The following EPC2 variants were observed in gnomAD, a reference collection of about 807,000 sequenced individuals.
EPC2 encodes enhancer of polycomb 2.
Under a neutral mutation model 92.1 loss-of-function variants are expected in EPC2, and 14 were observed. That is an observed-to-expected ratio of 0.15 (90% CI 0.10 to 0.24). The LOEUF (loss-of-function observed/expected upper bound fraction) is 0.24, where lower values mean the gene tolerates loss of function less well. Ranked by LOEUF, EPC2 falls within the 10% of genes least tolerant of loss-of-function variation. The pLI, the probability that EPC2 is intolerant of heterozygous loss-of-function variation, is 1.00. For synonymous variants in EPC2, 340 were observed against 334.7 expected (o/e 1.02, Z -0.17); for missense variants, 755 against 971.5 (o/e 0.78, Z 2.96).
chr2:148,761,258 A>G (rs1683296104), intron 4 of EPC2, among the ~76,000 whole-genome samples: 1 of 152,188 alleles, frequency 6.6e-6, no homozygotes, highest in South Asian at 2.1e-4. Flanking sequence ...TTGTTATCCT[A>G]CTTTCAGTTT....
At chr2:148,666,829 G>A (rs1013520331) in intron 1 of EPC2, among the ~76,000 whole-genome samples, 14 of 151,786 alleles carry the variant, frequency 9.2e-5, no homozygotes, top group African/African-American at 2.2e-4. Flanking sequence ...AGGTGATTCT[G>A]AAGCTGAAGC....
In EPC2 at chr2:148,734,779, T is replaced by C. The variant is rs1682717388; in HGVS notation, c.314-8843T>C. On this transcript the variant is annotated intron_variant, in intron 2 of 13. Transcript: ENST00000258484. ...TTATGTAAGTGAAATCTACAGTATG[T>C]ATATAACTTTTTGGAATTGATTTCT... Among the ~76,000 whole-genome samples the C allele has an allele frequency of 2.0e-5, 3 of 151,672 alleles. No homozygotes were observed. In the South Asian group the frequency reaches 6.2e-4, roughly 32 times the overall value.
intron 2 of EPC2, among the ~76,000 whole-genome samples, chr2:148,713,223 C>A (rs1478317518): frequency 1.3e-5 from 2 of 152,244 alleles, no homozygotes; most frequent in Non-Finnish European, 2.9e-5. Flanking sequence ...TAGCTTCATG[C>A]AAGTTATTGC....
intron 5 of EPC2, 94 bp from the exon 6 acceptor site, chr2:148,762,576 C>G: frequency 2.4e-6 from 2 of 837,910 alleles, no homozygotes; most frequent in Non-Finnish European, 3.5e-6. Context: ...CCCTTTTTGA[C>G]TAGGTGACTT....
chr2:148,647,619 CTTTTT>C (rs55731814), intron 1 of EPC2, among the ~76,000 whole-genome samples: 231 of 63,742 alleles, frequency 3.6e-3, no homozygotes, highest in African/African-American at 4.6e-3. Flanking sequence ...GCCTTGCAGA[CTTTTT>C]TTTTTTTTTT....
intron 3 of EPC2, among the ~76,000 whole-genome samples, chr2:148,753,500 G>A (rs1459737030): frequency 6.6e-6 from 1 of 152,064 alleles, no homozygotes; most frequent in Non-Finnish European, 1.5e-5. Flanking sequence ...TATTTTGGAC[G>A]CACATAAAAA....
At chr2:148,739,174 T>C (rs916432660) in intron 2 of EPC2, among the ~76,000 whole-genome samples, 1 of 152,226 alleles carries the variant, frequency 6.6e-6, no homozygotes, top group Non-Finnish European at 1.5e-5. Flanking sequence ...TCCTGGAGAT[T>C]TGAATGGAAA....
chr2:148,645,389 C>T, intron 1 of EPC2: 1 of 482,790 alleles, frequency 2.1e-6, no homozygotes, highest in Non-Finnish European at 3.7e-6. Flanking sequence ...GTGATTAGCT[C>T]GCAGCGCTGC....
chr2:148,646,537 TCAAAACCCAG>T (rs1259470501), intron 1 of EPC2, among the ~76,000 whole-genome samples: 2 of 151,568 alleles, frequency 1.3e-5, no homozygotes, highest in Non-Finnish European at 2.9e-5. Context: ...ATGTTTATAA[TCAAAACCCAG>T]CATTTATCCC....
chr2:148,786,030 T>A (rs1406252458), intron 13 of EPC2, among the ~76,000 whole-genome samples: 2 of 152,182 alleles, frequency 1.3e-5, no homozygotes, highest in Non-Finnish European at 2.9e-5. Flanking sequence ...ACATATTTCA[T>A]AAGTAATTTC....
chr2:148,780,999 A>C (rs1294532845), intron 10 of EPC2, among the ~76,000 whole-genome samples: 2 of 152,192 alleles, frequency 1.3e-5, no homozygotes, highest in South Asian at 2.1e-4. Flanking sequence ...AGTTGGTCGC[A>C]GTAGAATTTA....
chr2:148,701,409 T>A (rs963796262), intron 2 of EPC2, among the ~76,000 whole-genome samples: 2 of 152,222 alleles, frequency 1.3e-5, no homozygotes, highest in Non-Finnish European at 2.9e-5. Flanking sequence ...TAAAAGTTCT[T>A]TATCAAGTTG....
At chr2:148,667,740 T>C (rs923894220) in intron 1 of EPC2, among the ~76,000 whole-genome samples, 5 of 152,244 alleles carry the variant, frequency 3.3e-5, no homozygotes, top group Non-Finnish European at 5.9e-5. Flanking sequence ...ATTTCACTTC[T>C]GTGTGATGTT....
At chr2:148,647,078 C>G (rs938696690) in intron 1 of EPC2, among the ~76,000 whole-genome samples, 1 of 152,038 alleles carries the variant, frequency 6.6e-6, no homozygotes, top group African/African-American at 2.4e-5. Flanking sequence ...CCACTGCACT[C>G]CAGCCTGGGG....
chr2:148,647,619 CTTTTTTTTTTT>C (rs55731814), intron 1 of EPC2, among the ~76,000 whole-genome samples: 3 of 63,728 alleles, frequency 4.7e-5, no homozygotes, highest in Non-Finnish European at 8.4e-5. Flanking sequence ...GCCTTGCAGA[CTTTTTTTTTTT>C]TTTTTTTTTT....
intron 2 of EPC2, among the ~76,000 whole-genome samples, chr2:148,711,349 C>T (rs1039299607): frequency 2.6e-5 from 4 of 151,944 alleles, no homozygotes; most frequent in African/African-American, 7.3e-5. Context: ...TTTTAAATAA[C>T]ACATATTTAA....
At chr2:148,773,550 TA>T (rs1433319466) in intron 10 of EPC2, among the ~76,000 whole-genome samples, 3 of 152,108 alleles carry the variant, frequency 2.0e-5, no homozygotes, top group Non-Finnish European at 4.4e-5. Flanking sequence ...ATTCTTAGAG[TA>T]AAAGATTTTG....
At chr2:148,773,918 C>G (rs1683573559) in intron 10 of EPC2, among the ~76,000 whole-genome samples, 7 of 152,072 alleles carry the variant, frequency 4.6e-5, no homozygotes, top group African/African-American at 1.7e-4. Context: ...ATGGGATCCT[C>G]ATGTGTTTGG....
chr2:148,696,653 C>T (rs1235323890), intron 2 of EPC2, among the ~76,000 whole-genome samples: 1 of 152,144 alleles, frequency 6.6e-6, no homozygotes, highest in Non-Finnish European at 1.5e-5. Context: ...TCCTATGGGG[C>T]CTCCCAAAGA....
Sources: gnomAD v4.1 joint callset for allele counts (sites outside exome capture counted in the v4.1 genomes callset) on GRCh38, gnomAD v4.1.1 for gene constraint, MANE v1.5 for transcripts, NCBI Gene and HGNC (gene_info 2026-07-23, HGNC 2026-07-21) for gene names.